Variants in PTK2 observed in about 807,000 individuals in gnomAD.
The protein encoded by PTK2 is focal adhesion kinase 1.
PTK2 carries 45 observed loss-of-function variants against 150.1 expected under a neutral mutation model. The observed-to-expected ratio is 0.30, with a 90% CI of 0.24 to 0.38. PTK2 has a LOEUF of 0.38. PTK2 is among the 10% of genes least tolerant of loss of function. The pLI, the probability that PTK2 is intolerant of heterozygous loss-of-function variation, is 1.00. For synonymous variants in PTK2, 432 were observed against 449.2 expected (o/e 0.96, Z 0.48); for missense variants, 919 against 1,307.3 (o/e 0.70, Z 4.58).
chr8:140,723,429 T>C lies in PTK2; in HGVS notation c.2031-5720A>G, dbSNP rs182061634. Among the ~76,000 whole-genome samples, 632 of 152,218 alleles carry C rather than the reference T, an allele frequency of 4.2e-3. 6 individuals are homozygous for C. The highest frequency in any genetic ancestry group is 0.015 in the African/African-American group (608 of 41,522). ...TGCTCAGAGGAACCAAGAATATAAA[T>C]AACTCATAAAAAATATCTGTTTTTA... On this transcript the variant is annotated intron_variant, in intron 22 of 31. Transcript: ENST00000522684.
At chr8:140,836,158 C>A (rs1006297929) in intron 7 of PTK2, among the ~76,000 whole-genome samples, 3 of 152,016 alleles carry the variant, frequency 2.0e-5, no homozygotes, top group Admixed American at 6.5e-5. Flanking sequence ...TGGGTCTCTA[C>A]TTAGAAGCTG....
chr8:141,000,155 G>A (rs2100199511), intron 1 of PTK2, among the ~76,000 whole-genome samples: 1 of 139,262 alleles, frequency 7.2e-6, no homozygotes, highest in Non-Finnish European at 1.5e-5. Flanking sequence ...ACAGGATGCC[G>A]CTACACAAGG....
Position 140,681,732 on chromosome 8 carries a change from G to A in PTK2, c.2562+4900C>T, listed in dbSNP as rs368121882. Among the ~76,000 whole-genome samples the A allele has an allele frequency of 8.6e-5, 13 of 151,446 alleles. No homozygotes were observed. In the East Asian group the frequency reaches 1.2e-3, roughly 14 times the overall value. On this transcript the variant is annotated intron_variant, in intron 27 of 31. Coordinates refer to ENST00000522684, the Ensembl canonical transcript of PTK2. ...GTGGAGCTTGCCGTGAGCCGAGATC[G>A]CGCCACTGCACTCCAGCCTGGGCCA... is the stretch of plus-strand genomic sequence containing the variant.
intron 14 of PTK2, among the ~76,000 whole-genome samples, chr8:140,774,242 G>A (rs915044840): frequency 6.6e-6 from 1 of 152,206 alleles, no homozygotes; most frequent in African/African-American, 2.4e-5. Flanking sequence ...CTTTGTATGT[G>A]TGGCAATGTG....
At chr8:140,823,639 C>T (rs1029962723) in intron 8 of PTK2, among the ~76,000 whole-genome samples, 1 of 152,156 alleles carries the variant, frequency 6.6e-6, no homozygotes, top group Non-Finnish European at 1.5e-5. Flanking sequence ...GGTTGCAACT[C>T]TATCACTCTG....
chr8:141,001,197 T>C (rs1403902982), exon 1 of PTK2: 1 of 150,160 alleles, frequency 6.7e-6, no homozygotes, highest in Non-Finnish European at 1.5e-5. Context: ...GCAGCCGCGC[T>C]TCCTCCCACG....
chr8:140,844,436 T>A (rs11167004), intron 7 of PTK2, among the ~76,000 whole-genome samples: 1 of 133,462 alleles, frequency 7.5e-6, no homozygotes, highest in African/African-American at 2.6e-5. Context: ...GCTCCTTTAT[T>A]TATTTATTCA....
intron 22 of PTK2, among the ~76,000 whole-genome samples, chr8:140,721,150 A>G (rs2100042746): frequency 6.6e-6 from 1 of 152,050 alleles, no homozygotes; most frequent in South Asian, 2.1e-4. Flanking sequence ...TTCCAGAGTA[A>G]CTGGGACTAC....
chr8:140,752,076 G>T, intron 17 of PTK2, 156 bp downstream of exon 20: 1 of 711,342 alleles, frequency 1.4e-6, no homozygotes. Flanking sequence ...GTAGATAGGT[G>T]CTTGTACAAA....
chr8:140,832,901 G>A (rs1187333575), intron 7 of PTK2: 1 of 519,036 alleles, frequency 1.9e-6, no homozygotes, highest in Admixed American at 1.9e-5. Context: ...ACACACGTCA[G>A]TATTTGGGTG....
rs746898755 is a variant in PTK2 at position 140,717,588 on chromosome 8, C to A, written c.2142+10G>T. On this transcript the variant is annotated intron_variant, in intron 23 of 31. Coordinates refer to ENST00000522684, the Ensembl canonical transcript of PTK2. ...AGTAACCCCAAAGTTGGGGTGGGGA[C>A]TGTAGCTACCTTGGGCGGTGCTTCA... The A allele has an allele frequency of 1.2e-6, 2 of 1,602,786 alleles. No homozygotes were observed. The highest frequency in any genetic ancestry group is 4.5e-5 in the East Asian group (2 of 44,824).
At position 140,794,455 on chromosome 8, in the gene PTK2, C is replaced by A. The variant is rs575825970; in HGVS notation, c.1094-1071G>T. On this transcript the variant is annotated intron_variant, in intron 12 of 31. Transcript: ENST00000522684. ...GTCACACTTGCTGTCCACGGTTCCTCTCCTTACTTTTGCCCTTGAATTCAT... is the reference window on the plus strand; with the variant it reads ...GTCACACTTGCTGTCCACGGTTCCTATCCTTACTTTTGCCCTTGAATTCAT... Among the ~76,000 whole-genome samples the A allele has an allele frequency of 5.3e-5, 8 of 152,284 alleles. No homozygotes were observed. In the East Asian group the frequency reaches 1.4e-3, roughly 26 times the overall value.
chr8:140,701,556 G>T (rs2100030466), intron 25 of PTK2, among the ~76,000 whole-genome samples: 1 of 152,078 alleles, frequency 6.6e-6, no homozygotes, highest in Non-Finnish European at 1.5e-5. Context: ...TTGTGTTACT[G>T]TACCTAGGTC....
intron 1 of PTK2, among the ~76,000 whole-genome samples, chr8:140,998,902 T>C (rs1003648192): frequency 1.3e-5 from 2 of 151,884 alleles, no homozygotes; most frequent in African/African-American, 4.8e-5. Context: ...CTGGAGAACA[T>C]GATTTTGAGG....
At chr8:140,803,255 C>A (rs2100096327) in intron 11 of PTK2, among the ~76,000 whole-genome samples, 2 of 152,010 alleles carry the variant, frequency 1.3e-5, no homozygotes, top group African/African-American at 4.8e-5. Context: ...GCCTTGGCCT[C>A]CCAAAGTGCT....
In PTK2 at chr8:140,873,501, T is replaced by C. The variant is rs186351572; in HGVS notation, c.362+5970A>G. On this transcript the variant is annotated intron_variant, in intron 4 of 31. Coordinates refer to ENST00000522684, the Ensembl canonical transcript of PTK2. ...CTGTTTTTGAGACGGAGTCTCGCTC[T>C]GTCGCCTAGGCTGGAGTGGAGTGGC... is the stretch of plus-strand genomic sequence containing the variant. Among the ~76,000 whole-genome samples, 509 of 152,326 alleles carry C rather than the reference T, an allele frequency of 3.3e-3. 1 individual carries two copies. The highest frequency in any genetic ancestry group is 5.6e-3 in the Non-Finnish European group (380 of 68,030).
At chr8:140,786,190 T>C (rs374522920) in intron 14 of PTK2, among the ~76,000 whole-genome samples, 2 of 152,148 alleles carry the variant, frequency 1.3e-5, no homozygotes, top group East Asian at 1.9e-4. Context: ...TGTTAGGGGT[T>C]AAATGAAGTA....
chr8:140,800,563 G>A (rs541855089), exon 12 of PTK2: 36 of 1,612,982 alleles, frequency 2.2e-5, no homozygotes, highest in African/African-American at 2.7e-5. Flanking sequence ...GGATGGTGCC[G>A]TCACTGTCAG....
At chr8:140,659,949 C>G (rs1011010935) in intron 31 of PTK2, among the ~76,000 whole-genome samples, 7 of 152,084 alleles carry the variant, frequency 4.6e-5, no homozygotes, top group African/African-American at 1.7e-4. Context: ...TCCTTAGGAG[C>G]AATAGGATGT....
Sources: allele counts gnomAD v4.1 joint callset (sites outside exome capture counted in the v4.1 genomes callset), GRCh38; gene constraint gnomAD v4.1.1; transcripts MANE v1.5; gene names NCBI Gene and HGNC (gene_info 2026-07-23, HGNC 2026-07-21).